TENM4: variants seen among roughly 807,000 people sequenced by gnomAD.
The protein encoded by TENM4 is teneurin-4.
Under a neutral mutation model 243.3 loss-of-function variants are expected in TENM4, and 82 were observed. That is an observed-to-expected ratio of 0.34 (90% CI 0.28 to 0.40). The LOEUF is 0.40. Among genes scored for constraint, TENM4 ranks in the 10% least tolerant of loss-of-function variants. TENM4 has a pLI of 1.00. For synonymous variants in TENM4, 1,412 were observed against 1,456.3 expected, an observed-to-expected ratio of 0.97 and a Z score of 0.69; for missense variants, 3,138 against 3,673.3, an observed-to-expected ratio of 0.85 and a Z score of 3.77.
chr11:79,158,413 G>A (rs1195805269), intron 3 of TENM4, among the ~76,000 whole-genome samples: 1 of 152,148 alleles, frequency 6.6e-6, no homozygotes, highest in Non-Finnish European at 1.5e-5. Flanking sequence ...TGTCATGATA[G>A]CTACAAGGTC....
At chr11:79,389,903 C>CTA (rs1858195419) in intron 1 of TENM4, among the ~76,000 whole-genome samples, 1 of 152,204 alleles carries the variant, frequency 6.6e-6, no homozygotes, top group South Asian at 2.1e-4. Context: ...ATTGTAAAGC[C>CTA]TAAAATATTT....
chr11:79,070,562 T>G (rs934579659), intron 4 of TENM4, among the ~76,000 whole-genome samples: 1 of 152,222 alleles, frequency 6.6e-6, no homozygotes, highest in Non-Finnish European at 1.5e-5. Flanking sequence ...CAGATGATTA[T>G]ATAATTATTT....
intron 4 of TENM4, among the ~76,000 whole-genome samples, chr11:79,094,902 T>C (rs879498726): frequency 6.6e-6 from 1 of 152,196 alleles, no homozygotes; most frequent in Non-Finnish European, 1.5e-5. Context: ...GATCAATGCC[T>C]GCATCATCCT....
chr11:79,098,230 C>CA (rs1290764980), intron 4 of TENM4, among the ~76,000 whole-genome samples: 47 of 140,362 alleles, frequency 3.3e-4, no homozygotes, highest in African/African-American at 1.2e-3. Context: ...CACCCCCCCC[C>CA]ATCTCCCAGC....
At chr11:78,920,982 C>T (rs2136385879) in intron 6 of TENM4, among the ~76,000 whole-genome samples, 1 of 152,284 alleles carries the variant, frequency 6.6e-6, no homozygotes, top group East Asian at 1.9e-4. Flanking sequence ...TGTTACAGCA[C>T]TGTGAAGTTT....
chr11:78,726,267 C>T (rs1855508501), intron 22 of TENM4, 45 bp from the exon 23 acceptor site: 9 of 1,601,488 alleles, frequency 5.6e-6, no homozygotes, highest in Non-Finnish European at 7.7e-6. Context: ...GAGCAAAGCC[C>T]ACTCTTTGGC....
At chr11:78,836,416 G>T (rs1170577007) in intron 12 of TENM4, among the ~76,000 whole-genome samples, 2 of 152,154 alleles carry the variant, frequency 1.3e-5, no homozygotes, top group Admixed American at 1.3e-4. Flanking sequence ...CTGAAACTCA[G>T]TTTGCTGTGT....
At chr11:78,916,491 A>G (rs751986693) in intron 6 of TENM4, among the ~76,000 whole-genome samples, 1 of 152,206 alleles carries the variant, frequency 6.6e-6, no homozygotes, top group Non-Finnish European at 1.5e-5. Context: ...GCCTTTGTCC[A>G]TGTACAGTCT....
At chr11:79,267,824 G>A (rs1252608195) in intron 2 of TENM4, among the ~76,000 whole-genome samples, 1 of 152,168 alleles carries the variant, frequency 6.6e-6, no homozygotes, top group Non-Finnish European at 1.5e-5. Flanking sequence ...TTCTTACAGA[G>A]CCCAGGTCCT....
At chr11:78,731,673 T>G (rs1382348045) in intron 21 of TENM4, among the ~76,000 whole-genome samples, 1 of 152,214 alleles carries the variant, frequency 6.6e-6, no homozygotes, top group Non-Finnish European at 1.5e-5. Flanking sequence ...GGTGAAAATA[T>G]CTATCTTGAT....
At chr11:79,082,054 A>G (rs567267038) in intron 4 of TENM4, among the ~76,000 whole-genome samples, 2 of 152,250 alleles carry the variant, frequency 1.3e-5, no homozygotes, top group South Asian at 4.2e-4. Context: ...ATTGGTACTT[A>G]TAACATCTCG....
intron 1 of TENM4, among the ~76,000 whole-genome samples, chr11:79,308,893 G>A (rs951819243): frequency 2.6e-5 from 4 of 152,174 alleles, no homozygotes; most frequent in African/African-American, 9.7e-5. Context: ...GAGAAAAGGA[G>A]CAGGAAAGGG....
At chr11:79,255,600 C>G (rs1197880617) in intron 2 of TENM4, among the ~76,000 whole-genome samples, 2 of 152,152 alleles carry the variant, frequency 1.3e-5, no homozygotes, top group African/African-American at 4.8e-5. Flanking sequence ...TACAAAAACA[C>G]CTTTGATGTG....
intron 12 of TENM4, among the ~76,000 whole-genome samples, chr11:78,828,695 T>C (rs1857912048): frequency 6.6e-6 from 1 of 152,272 alleles, no homozygotes; most frequent in African/African-American, 2.4e-5. Flanking sequence ...TCAAATATTT[T>C]ATAGCTGCTC....
chr11:79,144,995 T>A (rs1034389887), intron 4 of TENM4, among the ~76,000 whole-genome samples: 1 of 152,060 alleles, frequency 6.6e-6, no homozygotes, highest in African/African-American at 2.4e-5. Flanking sequence ...TTTAACCTGA[T>A]ATGATCAGCA....
At chr11:78,945,744 C>A (rs958254410) in intron 6 of TENM4, among the ~76,000 whole-genome samples, 1 of 152,102 alleles carries the variant, frequency 6.6e-6, no homozygotes, top group East Asian at 1.9e-4. Context: ...GATAAGAAGG[C>A]AAAACAGCCT....
intron 1 of TENM4, among the ~76,000 whole-genome samples, chr11:79,381,417 T>C (rs1395094708): frequency 6.6e-6 from 1 of 151,724 alleles, no homozygotes; most frequent in Non-Finnish European, 1.5e-5. Flanking sequence ...CAAGGCTCCT[T>C]GTCTGTTGTA....
chr11:78,909,400 C>T (rs1856132237), intron 6 of TENM4, among the ~76,000 whole-genome samples: 1 of 152,200 alleles, frequency 6.6e-6, no homozygotes, highest in Admixed American at 6.5e-5. Context: ...GAAACTGACA[C>T]ATAAAGGCTA....
At position 79,438,223 on chromosome 11, in the gene TENM4, G is replaced by A. The variant is rs547993209; in HGVS notation, c.-321+2286C>T. 2.8e-4 allele frequency among the ~76,000 whole-genome samples: 43 copies of A among 152,294 alleles called. No individual in the cohort carries two copies. In the South Asian group the frequency reaches 8.3e-3, roughly 29 times the overall value. ...TCAGCGTTCCCCACGGCTGTGTCAG[G>A]GCTGGGGTGGCTTATCCCCCTACAG... On this transcript the variant is annotated intron_variant, in intron 1 of 33. Transcript: ENST00000278550. This position sits in a 1 kb window ranked among gnomAD's most constrained non-coding sequence, Gnocchi z 4.1.
Sources: allele counts gnomAD v4.1 joint callset (sites outside exome capture counted in the v4.1 genomes callset), GRCh38; gene constraint gnomAD v4.1.1; non-coding constraint Gnocchi (gnomAD v3.1); transcripts MANE v1.5; gene names NCBI Gene and HGNC (gene_info 2026-07-23, HGNC 2026-07-21).